The following SEMA4B variants were observed in gnomAD, a reference collection of about 807,000 sequenced individuals.
SEMA4B encodes semaphorin 4B.
A neutral mutation model predicts 88.1 loss-of-function variants in SEMA4B; 55 were observed. The observed-to-expected ratio is 0.62, with a 90% CI of 0.50 to 0.78. The LOEUF (loss-of-function observed/expected upper bound fraction) is 0.78, where lower values mean the gene tolerates loss of function less well. SEMA4B is among the 30% of genes least tolerant of loss of function. The pLI is 0.00. For missense variants in SEMA4B, 1,062 were observed against 1,111.9 expected (o/e 0.96, Z 0.64); for synonymous variants, 525 against 473.6 (o/e 1.11, Z -1.41).
At chr15:90,210,937 C>T (rs1465883370) in intron 1 of SEMA4B, among the ~76,000 whole-genome samples, 19 of 152,170 alleles carry the variant, frequency 1.2e-4, no homozygotes, top group Admixed American at 1.1e-3. Flanking sequence ...ACAAAAGTTT[C>T]TAGAATGGAC....
intron 7 of SEMA4B, among the ~76,000 whole-genome samples, chr15:90,223,306 C>G (rs55831341): frequency 6.6e-6 from 1 of 152,132 alleles, no homozygotes; most frequent in East Asian, 1.9e-4. Flanking sequence ...ATATTGGGGT[C>G]CTTTGGCTTC....
At chr15:90,201,178 G>C (rs888634865), upstream of SEMA4B, 14 of 336,306 alleles carry the variant, frequency 4.2e-5, no homozygotes, top group South Asian at 1.2e-4. Context: ...CGCTCCGGCG[G>C]CCGCCGGGGC....
At position 90,228,190 on chromosome 15, in the gene SEMA4B, C is replaced by T. The variant is rs755117243; in HGVS notation, c.2061C>T (p.Gly687=). 6.2e-6 allele frequency: 10 copies of T among 1,610,010 alleles called. No homozygotes were observed. In the African/African-American group the frequency reaches 1.1e-4, roughly 17 times the overall value. Residue 687 remains glycine, a synonymous_variant, in exon 14 of 14, where the codon GGC becomes GGT. Coordinates refer to ENST00000411539, the MANE Select transcript of SEMA4B (RefSeq NM_198925.4). ...TGGCAGACCAAACAGATGAGGGTGG[C>T]AGTGTACCCGTCATTATCAGCACAT... The part of the protein sequence containing the change: ...DGVADQTDEG[G]SVPVIISTSR...
At chr15:90,223,486 G>T in intron 7 of SEMA4B, 73 bp from the exon 8 acceptor site, 1 of 1,383,478 alleles carries the variant, frequency 7.2e-7, no homozygotes. Flanking sequence ...GTCCATTGAG[G>T]CAGTCCTGTG....
intron 3 of SEMA4B, among the ~76,000 whole-genome samples, chr15:90,218,641 C>T (rs146197264): frequency 1.9e-4 from 29 of 152,186 alleles, no homozygotes; most frequent in East Asian, 5.8e-4. Flanking sequence ...AGTGAAACTC[C>T]GTCTCTACTA....
chr15:90,186,079 G>A (rs888887550), intron 1 of SEMA4B, among the ~76,000 whole-genome samples: 13 of 151,702 alleles, frequency 8.6e-5, no homozygotes, highest in African/African-American at 1.9e-4. Flanking sequence ...GACTACAGGC[G>A]TGTGCCACCA....
chr15:90,227,678 G>A, intron 13 of SEMA4B, 36 bp downstream of exon 13: 1 of 1,604,966 alleles, frequency 6.2e-7, no homozygotes, highest in Non-Finnish European at 8.5e-7. Context: ...GGAGAGAGGT[G>A]GGGACAAGTG....
At chr15:90,192,438 T>C (rs1448089388) in intron 1 of SEMA4B, among the ~76,000 whole-genome samples, 2 of 152,206 alleles carry the variant, frequency 1.3e-5, no homozygotes, top group Non-Finnish European at 2.9e-5. Flanking sequence ...TATTGATCAC[T>C]TGGGAGGCCA....
chr15:90,228,002 A>G lies in SEMA4B; in HGVS notation c.1873A>G (p.Asn625Asp), dbSNP rs374418194. 6.2e-7 allele frequency: 1 copy of G among 1,613,884 alleles called. No homozygotes were observed. The highest frequency in any genetic ancestry group is 8.5e-7 in the Non-Finnish European group (1 of 1,179,872). ...CCTGGCGACCCGACTCTGGCTACGC[A>G]ACGGGGCCCCCGTCAATGCCTCGGC... is the stretch of plus-strand genomic sequence containing the variant. Reference protein sequence around the residue: ...SNLATRLWLRNGAPVNASASC... With the variant: ...SNLATRLWLRDGAPVNASASC... The change falls in exon 14 of 14, where the codon AAC becomes GAC. Residue 625 changes from asparagine to aspartate, a missense_variant. Transcript: ENST00000411539.
intron 1 of SEMA4B, among the ~76,000 whole-genome samples, chr15:90,204,191 G>A (rs1220644796): frequency 6.6e-6 from 1 of 152,182 alleles, no homozygotes; most frequent in East Asian, 1.9e-4. Flanking sequence ...CAGGGCCCTA[G>A]TGCCCTCCCT....
At chr15:90,227,875 C>T in intron 13 of SEMA4B, 29 bp from the exon 14 acceptor site, 28 of 1,606,214 alleles carry the variant, frequency 1.7e-5, no homozygotes, top group Non-Finnish European at 2.3e-5. Flanking sequence ...CGCTGGCACC[C>T]CCCTACCCCA....
Position 90,228,641 on chromosome 15 carries a change from T to G in SEMA4B, c.2512T>G (p.Ter838GlyextTer54), listed in dbSNP as rs1373262119. 1.2e-6 allele frequency: 2 copies of G among 1,613,166 alleles called. No homozygotes were observed. Among genetic ancestry groups the G allele is most frequent in the Non-Finnish European group, 1.7e-6 (2 of 1,179,850 alleles). Residue 838 changes from the stop codon to glycine, a stop_lost, in exon 14 of 14, where the codon TGA (stop) becomes GGA (glycine). Transcript: ENST00000411539. ...LGSEIRDSVV* is the reference protein window; with the variant it reads ...LGSEIRDSVVG ...CTCGGAGATCCGTGACTCTGTGGTGTGAGAGCTGACTTCCAGAGGACGCTG... is the reference window on the plus strand; with the variant it reads ...CTCGGAGATCCGTGACTCTGTGGTGGGAGAGCTGACTTCCAGAGGACGCTG...
In SEMA4B at chr15:90,227,930, T is replaced by G. The variant is rs540005704; in HGVS notation, c.1801T>G (p.Phe601Val). 23 of 1,613,092 alleles carry G rather than the reference T, an allele frequency of 1.4e-5. No individual in the cohort carries two copies. The highest frequency in any genetic ancestry group is 1.9e-5 in the Non-Finnish European group (22 of 1,179,864). ...GGAGAAGCCATGTGAGCAAGTCCAG[T>G]TCCAGCCCAACACAGTGAACACTTT... The part of the protein sequence containing the change: ...TGEKPCEQVQ[F>V]QPNTVNTLAC... Residue 601 changes from phenylalanine to valine, a missense_variant, in exon 14 of 14, where the codon TTC (phenylalanine) becomes GTC (valine). Physicochemically the swap from Phe to Val is conservative, Grantham distance 50. Transcript: ENST00000411539.
rs748703928 is a variant in SEMA4B at position 90,225,040 on chromosome 15, C to T, written c.1267C>T (p.Leu423Phe). The change falls in exon 10 of 14, where the codon CTC becomes TTC. Residue 423 changes from leucine (L) to phenylalanine (F), a missense_variant. Physicochemically the swap from Leu to Phe is conservative, Grantham distance 22 (BLOSUM62 0). Coordinates refer to ENST00000411539, the MANE Select transcript of SEMA4B (RefSeq NM_198925.4). ...LQLPDRVLNF[L>F]KDHFLMDGQV... Reference sequence around the variant, plus strand: ...GCTCCCAGACCGCGTGCTGAACTTCCTCAAGGACCACTTCCTGATGGACGG... The same window carrying T: ...GCTCCCAGACCGCGTGCTGAACTTCTTCAAGGACCACTTCCTGATGGACGG... The T allele has an allele frequency of 2.5e-6, 4 of 1,613,830 alleles. No homozygotes were observed. The highest frequency in any genetic ancestry group is 3.4e-6 in the Non-Finnish European group (4 of 1,179,856).
intron 1 of SEMA4B, among the ~76,000 whole-genome samples, chr15:90,203,188 C>G (rs1005784089): frequency 1.3e-5 from 2 of 152,182 alleles, no homozygotes. Flanking sequence ...ACATCTTGCC[C>G]AGATCTGGGG....
At chr15:90,224,784 G>A (rs8024666) in intron 9 of SEMA4B, among the ~76,000 whole-genome samples, 184 bp from the exon 10 acceptor site, 13,876 of 152,112 alleles carry the variant, frequency 0.091, 848 homozygotes, top group African/African-American at 0.16. Flanking sequence ...CGGTTTCCCC[G>A]CACCCTGGGC....
chr15:90,187,113 T>C (rs1960188547), intron 1 of SEMA4B, among the ~76,000 whole-genome samples: 2 of 152,174 alleles, frequency 1.3e-5, no homozygotes, highest in Admixed American at 6.6e-5. Flanking sequence ...CTGACTACAT[T>C]GGACAGGATG....
At chr15:90,206,969 G>T in intron 1 of SEMA4B, 1 of 554,274 alleles carries the variant, frequency 1.8e-6, no homozygotes, top group Non-Finnish European at 3.2e-6. Flanking sequence ...AAGAAATGAA[G>T]AAAATATCTT....
At chr15:90,206,585 A>G (rs1389546763) in intron 1 of SEMA4B, 10 of 532,502 alleles carry the variant, frequency 1.9e-5, no homozygotes, top group South Asian at 1.7e-4. Flanking sequence ...CGAGGAAGGC[A>G]TTGCTGCTGG....
Sources: allele counts gnomAD v4.1 joint callset (sites outside exome capture counted in the v4.1 genomes callset), GRCh38; gene constraint gnomAD v4.1.1; transcripts MANE v1.5; gene names NCBI Gene and HGNC (gene_info 2026-07-23, HGNC 2026-07-21).